Variants in NUP58 observed in about 807,000 individuals in gnomAD.
NUP58 encodes nucleoporin 58.
Under a neutral mutation model 70.1 loss-of-function variants are expected in NUP58, and 17 were observed. The ratio of observed to expected loss-of-function variants is 0.24; its 90% confidence interval spans 0.17 to 0.36. The LOEUF is 0.36. NUP58 is among the 10% of genes least tolerant of loss of function. The pLI, the probability that NUP58 is intolerant of heterozygous loss-of-function variation, is 1.00. For synonymous variants in NUP58, 275 were observed against 257.6 expected (o/e 1.07, Z -0.65); for missense variants, 644 against 701.5 (o/e 0.92, Z 0.93).
At chr13:25,305,708 T>C (rs1278292600) in intron 1 of NUP58, among the ~76,000 whole-genome samples, 1 of 152,196 alleles carries the variant, frequency 6.6e-6, no homozygotes, top group Non-Finnish European at 1.5e-5. Flanking sequence ...CATCGTTTGG[T>C]ACTTGATTAT....
chr13:25,332,894 GA>G (rs1385506360), intron 13 of NUP58: 1 of 985,228 alleles, frequency 1.0e-6, no homozygotes, highest in Non-Finnish European at 1.2e-6. Flanking sequence ...CAGCTCTCAT[GA>G]TTACCTAACC....
rs1165318140 is a variant in NUP58, at chr13:25,340,517, T to C, written c.*383T>C. On this transcript the variant is annotated 3_prime_UTR_variant, in exon 16 of 16. Coordinates refer to ENST00000381736, the MANE Select transcript of NUP58 (RefSeq NM_014089.4). The stretch of plus-strand genomic sequence containing the variant: ...GTGGTGTGAACTCTAGGGCCTATAC[T>C]AGAATCAATTTGTTCCTTGTTAAAG... 2 of 157,142 alleles carry C rather than the reference T, an allele frequency of 1.3e-5. No individual in the cohort carries two copies. The highest frequency in any genetic ancestry group is 2.8e-5 in the Non-Finnish European group (2 of 71,674). The allele number at this position is 157,142 out of a possible 1,614,324, so 9.7% of individuals were successfully genotyped here.
At chr13:25,335,114 G>C (rs1261251323) in intron 13 of NUP58, 2 of 985,158 alleles carry the variant, frequency 2.0e-6, no homozygotes, top group Non-Finnish European at 2.4e-6. Flanking sequence ...TTATACATTT[G>C]CCTACGAGTT....
chr13:25,332,938 T>C (rs551393888), intron 13 of NUP58: 9 of 985,290 alleles, frequency 9.1e-6, no homozygotes, highest in Non-Finnish European at 9.6e-6. Context: ...ACTAGTTTAC[T>C]TTTTAGAGCC....
rs2031619937 is a variant in NUP58, at chr13:25,331,887, A to G, written c.1435+329A>G. The G allele has an allele frequency of 1.1e-5, 12 of 1,109,418 alleles. No homozygotes were observed. The South Asian group carries it at 2.9e-4, about 27-fold the overall frequency. 68.7% of individuals were successfully genotyped at this position (1,109,418 alleles called of 1,614,324 possible). A position where few individuals can be genotyped will look rare whatever the true frequency, so the allele number is the denominator to read the frequency against. On this transcript the variant is annotated intron_variant, in intron 13 of 15. Coordinates refer to ENST00000381736, the MANE Select transcript of NUP58 (RefSeq NM_014089.4). ...CATTAGATTCTGAAATCATGACTGT[A>G]CCATTTATTGTTTTAAAGTCAGAGA...
chr13:25,306,128 G>A (rs555430913), intron 1 of NUP58, among the ~76,000 whole-genome samples: 10 of 152,168 alleles, frequency 6.6e-5, no homozygotes, highest in Non-Finnish European at 1.3e-4. Flanking sequence ...TCTGCTGGCC[G>A]GGTGCGGTGG....
intron 1 of NUP58, among the ~76,000 whole-genome samples, chr13:25,303,860 T>A (rs986165031): frequency 1.3e-5 from 2 of 152,196 alleles, no homozygotes; most frequent in Non-Finnish European, 2.9e-5. Context: ...TTAATAACAA[T>A]TTGAATGACT....
chr13:25,301,956 A>G, intron 1 of NUP58, 76 bp downstream of exon 1: 1 of 894,994 alleles, frequency 1.1e-6, no homozygotes, highest in Non-Finnish European at 1.7e-6. Flanking sequence ...TGGTGTCCCC[A>G]TCCTGTCTCT....
chr13:25,328,051 T>G (rs563309574), intron 12 of NUP58, among the ~76,000 whole-genome samples: 1 of 152,026 alleles, frequency 6.6e-6, no homozygotes, highest in African/African-American at 2.4e-5. Context: ...TTACAAAAAT[T>G]AGCCGGGTAT....
chr13:25,327,830 T>C (rs2031454943), intron 12 of NUP58, among the ~76,000 whole-genome samples: 1 of 152,220 alleles, frequency 6.6e-6, no homozygotes, highest in Admixed American at 6.5e-5. Flanking sequence ...TGTATGGTTG[T>C]ACATTGTTTA....
In NUP58 at chr13:25,315,410, A is replaced by C; in HGVS notation, c.628A>C (p.Thr210Pro). Reference protein sequence around the residue: ...LTLGTTAATSTAGNEGLGGID... With the variant: ...LTLGTTAATSPAGNEGLGGID... ...TTTGGGAACTACAGCAGCTACTTCAACTGCAGGCAATGAAGGCCTTGGTGG... is the reference window on the plus strand; with the variant it reads ...TTTGGGAACTACAGCAGCTACTTCACCTGCAGGCAATGAAGGCCTTGGTGG... The change falls in exon 6 of 16, where the codon ACT becomes CCT. Residue 210 changes from threonine to proline, a missense_variant. This residue lies in a region of NUP58 where 430 missense variants were observed against 409.2 expected (regional missense o/e 1.05). Transcript: ENST00000381736. 5 of 1,614,010 alleles carry C rather than the reference A, an allele frequency of 3.1e-6. No individual in the cohort carries two copies. The highest frequency in any genetic ancestry group is 3.4e-6 in the Non-Finnish European group (4 of 1,179,894).
Position 25,315,451 on chromosome 13 carries a change from C to T in NUP58, c.669C>T (p.Ser223=). The T allele has an allele frequency of 5.0e-6, 8 of 1,610,036 alleles. No homozygotes were observed. The highest frequency in any genetic ancestry group is 5.1e-6 in the Non-Finnish European group (6 of 1,176,518). ...NEGLGGIDFS[S]SSDKKSDKTG... The stretch of plus-strand genomic sequence containing the variant: ...GCCTTGGTGGTATAGATTTCAGTAG[C>T]TCCTCAGATAAAAAGAGTAAGTAAT... Residue 223 remains serine (S), a synonymous_variant, in exon 6 of 16, where the codon AGC becomes AGT. Transcript: ENST00000381736.
intron 6 of NUP58, 49 bp from the exon 7 acceptor site, chr13:25,319,277 G>A: frequency 6.7e-7 from 1 of 1,492,190 alleles, no homozygotes; most frequent in Non-Finnish European, 9.3e-7. Flanking sequence ...TTTGGAGTAT[G>A]TTGTTCAATT....
At chr13:25,338,879 T>C in intron 15 of NUP58, 148 bp downstream of exon 15, 5 of 530,050 alleles carry the variant, frequency 9.4e-6, no homozygotes, top group Non-Finnish European at 1.7e-5. Flanking sequence ...GCCTAACTAA[T>C]CATTTTACTT....
chr13:25,315,882 C>T (rs758703153), intron 6 of NUP58, among the ~76,000 whole-genome samples: 4 of 151,960 alleles, frequency 2.6e-5, no homozygotes, highest in East Asian at 1.9e-4. Context: ...TGGAATTGCC[C>T]GGGTTCAGAT....
chr13:25,335,514 A>G, intron 13 of NUP58: 1 of 985,106 alleles, frequency 1.0e-6, no homozygotes, highest in Non-Finnish European at 1.2e-6. Context: ...CTATAGTAAC[A>G]TTTTACAAAA....
At chr13:25,343,011 A>C (rs1470342297), downstream of NUP58, among the ~76,000 whole-genome samples, 1 of 151,994 alleles carries the variant, frequency 6.6e-6, no homozygotes, top group Non-Finnish European at 1.5e-5. Context: ...TAGGAAATGT[A>C]ATTTTTTAAA....
Position 25,313,612 on chromosome 13 carries a change from A to G in NUP58, c.437-2A>G, listed in dbSNP as rs753149101. 4 of 1,489,798 alleles carry G rather than the reference A, an allele frequency of 2.7e-6. No individual in the cohort carries two copies. The highest frequency in any genetic ancestry group is 3.5e-6 in the Non-Finnish European group (4 of 1,129,724). The allele number at this position is 1,489,798 out of a possible 1,614,324, so 92.3% of individuals were successfully genotyped here. Reference sequence around the variant, plus strand: ...GAAAGCTTACTATCTCTCTTTTTATAGCATCCACAGGATTTACTCTAAATA... The same window carrying G: ...GAAAGCTTACTATCTCTCTTTTTATGGCATCCACAGGATTTACTCTAAATA... On this transcript the variant is annotated splice_acceptor_variant, in intron 4 of 15. Coordinates refer to ENST00000381736, the MANE Select transcript of NUP58 (RefSeq NM_014089.4). LOFTEE classifies it high-confidence loss of function.
At chr13:25,338,805 A>G (rs1357853065) in intron 15 of NUP58, 74 bp downstream of exon 15, 1 of 1,335,752 alleles carries the variant, frequency 7.5e-7, no homozygotes, top group African/African-American at 1.5e-5. Flanking sequence ...ATGTGTTGTT[A>G]TTTCCAGTAA....
Sources: gnomAD v4.1 joint callset for allele counts (sites outside exome capture counted in the v4.1 genomes callset) on GRCh38, gnomAD v4.1.1 for gene constraint, gnomAD v4.1.1 regional missense constraint, MANE v1.5 for transcripts, NCBI Gene and HGNC (gene_info 2026-07-23, HGNC 2026-07-21) for gene names.